Variants in IQCM observed in about 807,000 individuals in gnomAD.
IQCM encodes IQ motif containing M, also known as IQ domain-containing protein M.
In IQCM, 45 loss-of-function variants were observed where a neutral mutation model predicts 57.6. That is an observed-to-expected ratio of 0.78 (90% CI 0.62 to 1.00). The LOEUF is 1.00. IQCM is among the 50% of genes least tolerant of loss of function. The probability of loss-of-function intolerance (pLI) is 0.00; values close to 1 mark genes in which losing one functional copy is unlikely to be tolerated. For synonymous variants in IQCM, 148 were observed against 158.9 expected, an observed-to-expected ratio of 0.93 and a Z score of 0.51; for missense variants, 468 against 511.6, an observed-to-expected ratio of 0.91 and a Z score of 0.82.
intron 7 of IQCM, among the ~76,000 whole-genome samples, chr4:149,657,228 A>T (rs1222277758): frequency 6.6e-6 from 1 of 151,884 alleles, no homozygotes; most frequent in African/African-American, 2.4e-5. Flanking sequence ...TGATATCGAT[A>T]TTTTTTTAAG....
chr4:149,780,425 C>A (rs1193269352), intron 2 of IQCM: 1 of 151,996 alleles, frequency 6.6e-6, no homozygotes, highest in Admixed American at 6.6e-5. Context: ...CCAAAAGTGA[C>A]TACCAACCAA....
chr4:149,647,192 CTT>C (rs1162036533), intron 7 of IQCM, among the ~76,000 whole-genome samples: 3 of 152,088 alleles, frequency 2.0e-5, no homozygotes, highest in Non-Finnish European at 4.4e-5. Context: ...ATTTTACCCA[CTT>C]TTTGGATAAA....
At chr4:149,756,332 C>G (rs1449489084) in intron 2 of IQCM, among the ~76,000 whole-genome samples, 6 of 152,102 alleles carry the variant, frequency 3.9e-5, no homozygotes, top group African/African-American at 1.4e-4. Context: ...TAAAAGAACT[C>G]TTGACAGCAA....
Position 149,501,054 on chromosome 4 carries a change from T to G in IQCM, c.1228+47401A>C, listed in dbSNP as rs539203775. On this transcript the variant is annotated intron_variant, in intron 12 of 13. Transcript: ENST00000636793. ...AAAATCTCTTTATATTTATTTGGCA[T>G]GAAATACTTAAAGCTTTTTCCCTTC... Among the ~76,000 whole-genome samples the G allele has an allele frequency of 2.0e-4, 31 of 152,350 alleles. No individual in the cohort carries two copies. In the South Asian group the frequency reaches 6.0e-3, roughly 29 times the overall value.
intron 7 of IQCM, among the ~76,000 whole-genome samples, chr4:149,665,866 T>C (rs534057266): frequency 6.6e-6 from 1 of 152,214 alleles, no homozygotes; most frequent in South Asian, 2.1e-4. Context: ...GGCTAAGTCT[T>C]CCGGCCACCA....
chr4:149,812,772 G>A (rs779209699), intron 2 of IQCM, among the ~76,000 whole-genome samples: 1 of 151,934 alleles, frequency 6.6e-6, no homozygotes, highest in Non-Finnish European at 1.5e-5. Context: ...ACTTACTCTC[G>A]GCCTTCAGTT....
chr4:149,683,703 G>A (rs1309790097), intron 6 of IQCM, among the ~76,000 whole-genome samples: 2 of 151,250 alleles, frequency 1.3e-5, no homozygotes, highest in South Asian at 4.1e-4. Context: ...ATGGATAAGT[G>A]TTATTTAATC....
chr4:149,544,675 T>C (rs558822171), intron 12 of IQCM, among the ~76,000 whole-genome samples: 9 of 152,176 alleles, frequency 5.9e-5, no homozygotes, highest in East Asian at 1.9e-4. Flanking sequence ...CAAAACAGTA[T>C]GATACAGGCA....
At chr4:149,533,319 G>A (rs191719575) in intron 12 of IQCM, among the ~76,000 whole-genome samples, 40 of 152,010 alleles carry the variant, frequency 2.6e-4, no homozygotes, top group South Asian at 6.2e-4. Flanking sequence ...TGTATCTAGC[G>A]CCTGACTTAA....
intron 3 of IQCM, among the ~76,000 whole-genome samples, chr4:149,741,839 T>G (rs1767484458): frequency 6.6e-6 from 1 of 152,168 alleles, no homozygotes; most frequent in Non-Finnish European, 1.5e-5. Context: ...AAAAGCTAAC[T>G]ATGTGAAGTA....
At chr4:149,615,663 CT>C (rs1350639083) in intron 8 of IQCM, among the ~76,000 whole-genome samples, 4 of 152,110 alleles carry the variant, frequency 2.6e-5, no homozygotes, top group African/African-American at 9.7e-5. Flanking sequence ...GGATAGTGTT[CT>C]TCTAGTCTAA....
chr4:149,372,718 C>T (rs1412413344), intron 13 of IQCM, among the ~76,000 whole-genome samples: 1 of 151,876 alleles, frequency 6.6e-6, no homozygotes, highest in African/African-American at 2.4e-5. Flanking sequence ...TATTAACAAA[C>T]TAAGTTTAAG....
intron 13 of IQCM, among the ~76,000 whole-genome samples, chr4:149,382,184 T>G (rs1055105434): frequency 6.6e-6 from 1 of 152,170 alleles, no homozygotes; most frequent in East Asian, 1.9e-4. Context: ...CTGTTTCCCA[T>G]GTTTCTAGAA....
intron 13 of IQCM, among the ~76,000 whole-genome samples, chr4:149,409,537 T>C (rs72953690): frequency 0.019 from 2,903 of 152,358 alleles, 60 homozygotes; most frequent in African/African-American, 0.057. Context: ...AGAAAACTTT[T>C]TGAAGTTTCT....
rs570520168 is a variant in IQCM, at chr4:149,630,720, T to C, written c.566-9476A>G. 1.6e-4 allele frequency among the ~76,000 whole-genome samples: 24 copies of C among 152,214 alleles called. No individual in the cohort carries two copies. In the South Asian group the frequency reaches 1.9e-3, roughly 12 times the overall value. ...CTTTTAGGAAAGTAATTGTCAGTAATAAAAGTCTTTTAAATGTTCATATTT... is the reference window on the plus strand; with the variant it reads ...CTTTTAGGAAAGTAATTGTCAGTAACAAAAGTCTTTTAAATGTTCATATTT... On this transcript the variant is annotated intron_variant, in intron 7 of 13. Transcript: ENST00000636793.
chr4:149,356,026 G>C (rs1271542838), intron 13 of IQCM, among the ~76,000 whole-genome samples: 2 of 152,094 alleles, frequency 1.3e-5, no homozygotes, highest in African/African-American at 4.8e-5. Flanking sequence ...GTGTTTTTTG[G>C]CTGCATAAAT....
At chr4:149,502,968 T>G (rs966085042) in intron 12 of IQCM, among the ~76,000 whole-genome samples, 5 of 152,086 alleles carry the variant, frequency 3.3e-5, no homozygotes, top group Middle Eastern at 3.4e-3. Flanking sequence ...GGCTCATGCC[T>G]CTAATCCTAA....
intron 13 of IQCM, among the ~76,000 whole-genome samples, chr4:149,377,679 G>A (rs1245177026): frequency 6.6e-6 from 1 of 152,078 alleles, no homozygotes; most frequent in Non-Finnish European, 1.5e-5. Context: ...TACATATCCG[G>A]AAAATGTGGA....
At chr4:149,511,551 AT>A in intron 12 of IQCM, among the ~76,000 whole-genome samples, 1 of 151,322 alleles carries the variant, frequency 6.6e-6, no homozygotes, top group Middle Eastern at 3.2e-3. Flanking sequence ...AAATAAATAA[AT>A]AAATAAATAA....
Sources: gnomAD v4.1 joint callset for allele counts (sites outside exome capture counted in the v4.1 genomes callset) on GRCh38, gnomAD v4.1.1 for gene constraint, MANE v1.5 for transcripts, NCBI Gene and HGNC (gene_info 2026-07-23, HGNC 2026-07-21) for gene names.